EBF1: variants seen among roughly 807,000 people sequenced by gnomAD.
EBF1 encodes EBF transcription factor 1.
A neutral mutation model predicts 68.4 loss-of-function variants in EBF1; 10 were observed. The ratio of observed to expected loss-of-function variants is 0.15; its 90% confidence interval spans 0.09 to 0.25. The LOEUF (loss-of-function observed/expected upper bound fraction) is 0.25, where lower values mean the gene tolerates loss of function less well. Among genes scored for constraint, EBF1 ranks in the 10% least tolerant of loss-of-function variants. EBF1 has a pLI of 1.00. For synonymous variants in EBF1, 298 were observed against 299.8 expected (o/e 0.99, Z 0.06); for missense variants, 509 against 794.4 (o/e 0.64, Z 4.32).
intron 10 of EBF1, among the ~76,000 whole-genome samples, chr5:158,750,204 C>T (rs1021136678): frequency 8.5e-5 from 13 of 152,082 alleles, no homozygotes; most frequent in African/African-American, 3.1e-4. Flanking sequence ...CATTAAGCAC[C>T]TACCATTATA....
intron 6 of EBF1, among the ~76,000 whole-genome samples, chr5:158,965,481 T>G (rs1753923802): frequency 6.6e-6 from 1 of 152,344 alleles, no homozygotes; most frequent in East Asian, 1.9e-4. Flanking sequence ...GAGTAGAGAC[T>G]GCTCTGCAGC....
At chr5:158,927,692 T>A (rs1809985559) in intron 6 of EBF1, among the ~76,000 whole-genome samples, 2 of 152,174 alleles carry the variant, frequency 1.3e-5, no homozygotes, top group South Asian at 2.1e-4. Context: ...ATAGATAAGA[T>A]GAGGCAAAGA....
At chr5:158,866,375 C>CT (rs1446058778) in intron 6 of EBF1, among the ~76,000 whole-genome samples, 6 of 152,184 alleles carry the variant, frequency 3.9e-5, no homozygotes, top group Admixed American at 3.9e-4. Flanking sequence ...AATCTCTCAC[C>CT]TAAGGAACAT....
chr5:158,839,775 G>C (rs144276362), intron 7 of EBF1, among the ~76,000 whole-genome samples: 55 of 152,194 alleles, frequency 3.6e-4, no homozygotes, highest in African/African-American at 1.3e-3. Context: ...GGGGGTTTAG[G>C]CAAGTGAGTC....
intron 6 of EBF1, among the ~76,000 whole-genome samples, chr5:158,992,943 T>A (rs1026073027): frequency 1.4e-4 from 12 of 87,036 alleles, no homozygotes; most frequent in Non-Finnish European, 2.4e-5. Flanking sequence ...TTTTTTTTTT[T>A]TTTGAGACGG....
intron 8 of EBF1, among the ~76,000 whole-genome samples, chr5:158,799,637 C>G (rs1269581398): frequency 6.6e-6 from 1 of 152,126 alleles, no homozygotes; most frequent in African/African-American, 2.4e-5. Flanking sequence ...ACGAATGCAG[C>G]AGCTCAGGAT....
intron 10 of EBF1, among the ~76,000 whole-genome samples, chr5:158,777,137 T>C (rs1274123095): frequency 6.6e-6 from 1 of 152,130 alleles, no homozygotes; most frequent in African/African-American, 2.4e-5. Flanking sequence ...CAGGACTAGC[T>C]ACACCTCTTT....
At chr5:158,872,614 A>G (rs1183516098) in intron 6 of EBF1, among the ~76,000 whole-genome samples, 1 of 152,242 alleles carries the variant, frequency 6.6e-6, no homozygotes, top group African/African-American at 2.4e-5. Context: ...ACTCTTGTCA[A>G]GTGAACTGTC....
At chr5:158,840,554 C>T (rs1423002915) in intron 6 of EBF1, among the ~76,000 whole-genome samples, 1 of 150,078 alleles carries the variant, frequency 6.7e-6, no homozygotes, top group African/African-American at 2.4e-5. Context: ...ATCTTAGCCT[C>T]TCAAGTAAAA....
chr5:159,012,660 C>CT (rs575094837), intron 6 of EBF1, among the ~76,000 whole-genome samples: 1,806 of 151,238 alleles, frequency 0.012, 139 homozygotes, highest in Admixed American at 0.11. Flanking sequence ...AATTTTTGTA[C>CT]TTTTTTTTTG....
rs116506485 is a variant in EBF1 at position 158,854,039 on chromosome 5, G to T, written c.555-13929C>A. Among the ~76,000 whole-genome samples the T allele has an allele frequency of 4.4e-3, 674 of 152,266 alleles. 4 individuals carry two copies. Among genetic ancestry groups the T allele is most frequent in the African/African-American group, 0.016 (648 of 41,560 alleles). On this transcript the variant is annotated intron_variant, in intron 6 of 15. Transcript: ENST00000313708. ...CACAGGGCAATATGGGTACAGTGTT[G>T]TCAGACCCTCCTATTTGAAGAGAAG...
intron 7 of EBF1, among the ~76,000 whole-genome samples, chr5:158,826,813 T>C (rs920824746): frequency 1.3e-5 from 2 of 152,202 alleles, no homozygotes; most frequent in African/African-American, 2.4e-5. Context: ...TACACTGATG[T>C]TTTCAATTTC....
intron 6 of EBF1, among the ~76,000 whole-genome samples, chr5:159,001,405 G>A (rs1021275716): frequency 1.3e-5 from 2 of 152,040 alleles, no homozygotes; most frequent in Non-Finnish European, 2.9e-5. Flanking sequence ...AAAATCACTG[G>A]TCTAGCATTG....
intron 1 of EBF1, among the ~76,000 whole-genome samples, chr5:159,098,769 A>C (rs142521499): frequency 6.8e-6 from 1 of 147,184 alleles, no homozygotes; most frequent in African/African-American, 2.5e-5. Context: ...GAAGAAAGGA[A>C]GAGGAAGGAG....
intron 9 of EBF1, among the ~76,000 whole-genome samples, chr5:158,780,863 A>T (rs1561907927): frequency 6.6e-6 from 1 of 152,210 alleles, no homozygotes; most frequent in Non-Finnish European, 1.5e-5. Flanking sequence ...AAATCTAAAA[A>T]TGTCTCCTGT....
chr5:158,885,364 G>A (rs746083455), intron 6 of EBF1, among the ~76,000 whole-genome samples: 9 of 152,210 alleles, frequency 5.9e-5, no homozygotes, highest in Non-Finnish European at 1.0e-4. Context: ...AAGAGGACAC[G>A]AGAAAGAGAA....
rs77791643 is a variant in EBF1, at chr5:158,736,860, T to C, written c.1037-5703A>G. Among the ~76,000 whole-genome samples the C allele has an allele frequency of 1.8e-4, 27 of 152,306 alleles. No individual in the cohort carries two copies. In the East Asian group the frequency reaches 5.0e-3, roughly 28 times the overall value. On this transcript the variant is annotated intron_variant, in intron 10 of 15. Transcript: ENST00000313708. The stretch of plus-strand genomic sequence containing the variant: ...TATCTTTAAGACTGAGTTTAAAATA[T>C]ATAAACCGAAAAATCAGCCAGAAAC...
rs1292028747 is a variant in EBF1, at chr5:158,713,017, C to T, written c.1322G>A (p.Gly441Glu). 6.4e-7 allele frequency: 1 copy of T among 1,562,138 alleles called. No individual in the cohort carries two copies. Among genetic ancestry groups the T allele is most frequent in the Admixed American group, 1.8e-5 (1 of 54,640 alleles). ...AGMMGVNSFSGQLAVNVSEAS... is the reference protein window; with the variant it reads ...AGMMGVNSFSEQLAVNVSEAS... ...CTCGGAGACATTCACGGCCAGTTGT[C>T]CACTGAACGAATTCACGCCCATCAT... The change falls in exon 13 of 16, where the codon GGA becomes GAA. Residue 441 changes from glycine (G) to glutamate (E), a missense_variant. Around this residue, in one of 3 missense-constraint regions of EBF1, gnomAD observed 205 missense variants for 247.4 expected, o/e 0.83. Coordinates refer to ENST00000313708, the MANE Select transcript of EBF1 (RefSeq NM_024007.5).
intron 6 of EBF1, among the ~76,000 whole-genome samples, chr5:158,956,894 G>C (rs1010991304): frequency 1.3e-5 from 2 of 151,962 alleles, no homozygotes; most frequent in Non-Finnish European, 2.9e-5. Flanking sequence ...GAGTAGCTGG[G>C]ACTACAGGCG....
Sources: gnomAD v4.1 joint callset for allele counts (sites outside exome capture counted in the v4.1 genomes callset) on GRCh38, gnomAD v4.1.1 for gene constraint, gnomAD v4.1.1 regional missense constraint, MANE v1.5 for transcripts, NCBI Gene and HGNC (gene_info 2026-07-23, HGNC 2026-07-21) for gene names.